HYDIN: variants seen among roughly 807,000 people sequenced by gnomAD.
The protein encoded by HYDIN is axonemal central pair apparatus protein HYDIN.
Under a neutral mutation model 403.9 loss-of-function variants are expected in HYDIN, and 132 were observed. The ratio of observed to expected loss-of-function variants is 0.33; its 90% CI spans 0.28 to 0.38. The LOEUF (loss-of-function observed/expected upper bound fraction) is 0.38, where lower values mean the gene tolerates loss of function less well. Ranked by LOEUF, HYDIN falls within the 10% of genes least tolerant of loss-of-function variation. HYDIN has a pLI of 1.00. For synonymous variants in HYDIN, 1,202 were observed against 1,891.7 expected (o/e 0.64, Z 9.46); for missense variants, 2,827 against 5,009.5 (o/e 0.56, Z 13.15).
rs761905209 is a variant in HYDIN at position 70,833,937 on chromosome 16, C to T, written c.13629G>A (p.Thr4543=). The change falls in exon 79 of 86, where the codon ACG becomes ACA. Residue 4543 remains threonine, a synonymous_variant. Coordinates refer to ENST00000393567, the MANE Select transcript of HYDIN (RefSeq NM_001270974.2). ...HIPFGPVVYQ[T]QATRRILMMN... ...TCATGAGGATGCGACGTGTGGCTTG[C>T]GTCTGATACACCACGGGTCCAAAGG... 1.7e-4 allele frequency: 279 copies of T among 1,613,352 alleles called. 1 individual carries two copies. Among genetic ancestry groups the T allele is most frequent in the African/African-American group, 6.8e-4 (51 of 74,922 alleles).
intron 5 of HYDIN, among the ~76,000 whole-genome samples, chr16:71,172,546 GAGA>G (rs1360954013): frequency 6.6e-6 from 1 of 152,162 alleles, no homozygotes; most frequent in African/African-American, 2.4e-5. Context: ...AGTGAGGAGA[GAGA>G]AGGAAAGCCA....
chr16:71,075,518 C>T (rs982734134), intron 13 of HYDIN, among the ~76,000 whole-genome samples: 2 of 151,780 alleles, frequency 1.3e-5, no homozygotes, highest in South Asian at 2.1e-4. Flanking sequence ...CATTCTAGAT[C>T]TGATGGAGAA....
At chr16:71,133,350 A>T (rs1340382378) in intron 8 of HYDIN, 1 of 447,522 alleles carries the variant, frequency 2.2e-6, no homozygotes, top group Non-Finnish European at 4.5e-6. Flanking sequence ...GTTACAAATG[A>T]AGAACTAGAG....
intron 1 of HYDIN, among the ~76,000 whole-genome samples, chr16:71,206,476 G>C (rs2088305498): frequency 6.6e-6 from 1 of 152,178 alleles, no homozygotes; most frequent in Non-Finnish European, 1.5e-5. Flanking sequence ...ACACAGCTGA[G>C]AGAGAACCAA....
intron 1 of HYDIN, among the ~76,000 whole-genome samples, chr16:71,198,965 C>G (rs1310390750): frequency 1.3e-5 from 2 of 152,196 alleles, no homozygotes; most frequent in African/African-American, 4.8e-5. Flanking sequence ...TATGAGAGAT[C>G]TGGTTGCCAT....
intron 23 of HYDIN, among the ~76,000 whole-genome samples, chr16:71,002,047 T>C (rs936347913): frequency 2.0e-5 from 3 of 152,252 alleles, no homozygotes; most frequent in African/African-American, 7.2e-5. Context: ...GGGTTTTAGT[T>C]GAATTCTGTC....
chr16:71,209,689 T>G (rs1345649572), intron 1 of HYDIN, among the ~76,000 whole-genome samples: 1 of 152,112 alleles, frequency 6.6e-6, no homozygotes, highest in Non-Finnish European at 1.5e-5. Flanking sequence ...TCAGCAAAGT[T>G]TTGGGATACT....
At chr16:70,991,620 C>T (rs1466619580) in intron 24 of HYDIN, among the ~76,000 whole-genome samples, 1 of 151,446 alleles carries the variant, frequency 6.6e-6, no homozygotes, top group Admixed American at 6.6e-5. Flanking sequence ...GTCAATTTTT[C>T]ACGGGGCTCA....
chr16:71,089,940 T>C (rs1187306003), intron 11 of HYDIN, among the ~76,000 whole-genome samples: 2 of 125,766 alleles, frequency 1.6e-5, no homozygotes, highest in African/African-American at 6.5e-5. Context: ...GAGAGCTTGG[T>C]AACTAAGGGA....
intron 45 of HYDIN, among the ~76,000 whole-genome samples, chr16:70,922,710 A>C (rs1226690764): frequency 6.6e-6 from 1 of 152,110 alleles, no homozygotes; most frequent in Non-Finnish European, 1.5e-5. Context: ...AACAATGAAA[A>C]CACTGAATAT....
intron 7 of HYDIN, 133 bp downstream of exon 7, chr16:71,152,526 C>G: frequency 1.3e-6 from 1 of 762,602 alleles, no homozygotes; most frequent in Admixed American, 2.3e-5. Flanking sequence ...TGCCCTCTCC[C>G]CCAAGTCCAC....
At chr16:70,945,847 G>A (rs2077841766) in intron 41 of HYDIN, among the ~76,000 whole-genome samples, 1 of 152,178 alleles carries the variant, frequency 6.6e-6, no homozygotes. Context: ...AGCAGCCGTG[G>A]AATGGTGGGG....
In HYDIN at chr16:70,942,064, G is replaced by A. The variant is rs1327977567; in HGVS notation, c.6670-245C>T. On this transcript the variant is annotated intron_variant, in intron 42 of 85. Transcript: ENST00000393567. Reference sequence around the variant, plus strand: ...CAGAGTCTCCCTCGGTCACTCCAGCGCCCAGGCTGGAGTGCAGTGGTGCAA... The same window carrying A: ...CAGAGTCTCCCTCGGTCACTCCAGCACCCAGGCTGGAGTGCAGTGGTGCAA... 5.7e-5 allele frequency among the ~76,000 whole-genome samples: 7 copies of A among 123,866 alleles called. No individual in the cohort carries two copies. The East Asian group carries it at 1.0e-3, about 18-fold the overall frequency. 81.3% of individuals were successfully genotyped at this position (123,866 alleles called of 152,430 possible).
intron 8 of HYDIN, among the ~76,000 whole-genome samples, chr16:71,136,487 G>C (rs538712255): frequency 1.3e-5 from 2 of 151,404 alleles, no homozygotes; most frequent in Non-Finnish European, 2.9e-5. Flanking sequence ...CAACCTGGCC[G>C]GGCATGGTGG....
chr16:71,024,495 T>A (rs542349720), intron 21 of HYDIN, among the ~76,000 whole-genome samples: 29 of 148,586 alleles, frequency 2.0e-4, no homozygotes, highest in Admixed American at 1.2e-3. Context: ...GCAATGTTTA[T>A]AATGGTGACT....
intron 23 of HYDIN, among the ~76,000 whole-genome samples, chr16:71,011,072 G>C (rs562440249): frequency 7.2e-5 from 11 of 152,296 alleles, no homozygotes; most frequent in Non-Finnish European, 1.3e-4. Context: ...AAGGACCCTA[G>C]AGCTCCTGTA....
intron 23 of HYDIN, among the ~76,000 whole-genome samples, chr16:70,996,519 T>C (rs2079538782): frequency 6.6e-6 from 1 of 151,868 alleles, no homozygotes; most frequent in South Asian, 2.1e-4. Context: ...CTGGGGGCTG[T>C]GTTAGTAAGA....
chr16:70,936,884 G>A (rs1379971478), intron 44 of HYDIN, among the ~76,000 whole-genome samples: 1 of 151,438 alleles, frequency 6.6e-6, no homozygotes, highest in African/African-American at 2.4e-5. Flanking sequence ...GAGCCATGGT[G>A]CTCAGTCCGA....
intron 83 of HYDIN, among the ~76,000 whole-genome samples, chr16:70,821,970 G>T (rs569691628): frequency 2.0e-5 from 3 of 152,170 alleles, no homozygotes; most frequent in African/African-American, 7.2e-5. Flanking sequence ...ACACCCAGGA[G>T]CTCTGATGGA....
Sources: allele counts gnomAD v4.1 joint callset (sites outside exome capture counted in the v4.1 genomes callset), GRCh38; gene constraint gnomAD v4.1.1; transcripts MANE v1.5; gene names NCBI Gene and HGNC (gene_info 2026-07-23, HGNC 2026-07-21).